The following SH3GL2 variants were observed in gnomAD, a reference collection of about 807,000 sequenced individuals.
The protein encoded by SH3GL2 is endophilin-A1.
In SH3GL2, 24 loss-of-function variants were observed where a neutral mutation model predicts 46.0. The observed-to-expected ratio is 0.52, with a 90% CI of 0.38 to 0.73. The LOEUF (loss-of-function observed/expected upper bound fraction) is 0.73, where lower values mean the gene tolerates loss of function less well. Ranked by LOEUF, SH3GL2 falls within the 30% of genes least tolerant of loss-of-function variation. The probability of loss-of-function intolerance (pLI) is 0.00; values close to 1 mark genes in which losing one functional copy is unlikely to be tolerated. For synonymous variants in SH3GL2, 196 were observed against 147.1 expected, an observed-to-expected ratio of 1.33 and a Z score of -2.40; for missense variants, 413 against 424.2, an observed-to-expected ratio of 0.97 and a Z score of 0.23.
intron 1 of SH3GL2, among the ~76,000 whole-genome samples, chr9:17,674,105 C>T (rs1027760750): frequency 6.6e-6 from 1 of 152,154 alleles, no homozygotes; most frequent in Non-Finnish European, 1.5e-5. Context: ...ATAATTGTGG[C>T]AAGAAATGTC....
At chr9:17,696,629 A>G in intron 1 of SH3GL2, among the ~76,000 whole-genome samples, 1 of 152,158 alleles carries the variant, frequency 6.6e-6, no homozygotes, top group East Asian at 1.9e-4. Flanking sequence ...AAAAACCATC[A>G]GATCTCATGA....
intron 1 of SH3GL2, among the ~76,000 whole-genome samples, chr9:17,740,092 A>G (rs1419991315): frequency 2.0e-5 from 3 of 152,282 alleles, no homozygotes; most frequent in African/African-American, 4.8e-5. Flanking sequence ...TTTATATTAT[A>G]TAAAAGGAAA....
intron 1 of SH3GL2, among the ~76,000 whole-genome samples, chr9:17,738,737 A>G (rs1046992468): frequency 2.6e-5 from 4 of 151,258 alleles, no homozygotes; most frequent in Non-Finnish European, 5.9e-5. Context: ...TTTGCAGGTC[A>G]GGTCAGCAGG....
At chr9:17,674,975 G>A (rs1386754101) in intron 1 of SH3GL2, among the ~76,000 whole-genome samples, 1 of 152,156 alleles carries the variant, frequency 6.6e-6, no homozygotes, top group Non-Finnish European at 1.5e-5. Context: ...TAGATAGGAG[G>A]AGCCACCAGG....
At chr9:17,608,747 A>G (rs530504940) in intron 1 of SH3GL2, among the ~76,000 whole-genome samples, 2 of 152,326 alleles carry the variant, frequency 1.3e-5, no homozygotes, top group African/African-American at 4.8e-5. Flanking sequence ...AAGGTTAAAA[A>G]CAAGGAAGTT....
intron 1 of SH3GL2, among the ~76,000 whole-genome samples, chr9:17,664,058 A>G (rs1304241251): frequency 6.6e-6 from 1 of 152,182 alleles, no homozygotes; most frequent in Non-Finnish European, 1.5e-5. Context: ...TAAAAAATAT[A>G]TATCCTGTGG....
intron 1 of SH3GL2, among the ~76,000 whole-genome samples, chr9:17,701,183 C>T (rs1294400414): frequency 6.6e-6 from 1 of 152,168 alleles, no homozygotes; most frequent in Non-Finnish European, 1.5e-5. Context: ...ATTGTATACA[C>T]AGAAGAAATC....
intron 1 of SH3GL2, among the ~76,000 whole-genome samples, chr9:17,733,563 A>G (rs10810842): frequency 0.28 from 39,584 of 143,854 alleles, 6,551 homozygotes; most frequent in East Asian, 0.51. Context: ...TCAGTGTGGC[A>G]ATTCCTCAGG....
chr9:17,594,534 G>C (rs1310993007), intron 1 of SH3GL2, among the ~76,000 whole-genome samples: 1 of 151,934 alleles, frequency 6.6e-6, no homozygotes, highest in African/African-American at 2.4e-5. Flanking sequence ...ATGCATGTGG[G>C]GCTTAAAATC....
At chr9:17,581,283 G>T (rs921808395) in intron 1 of SH3GL2, among the ~76,000 whole-genome samples, 1 of 152,200 alleles carries the variant, frequency 6.6e-6, no homozygotes, top group South Asian at 2.1e-4. Flanking sequence ...CGTTAGGAAA[G>T]AACTTAAAAG....
chr9:17,742,148 T>C (rs1161432132), intron 1 of SH3GL2, among the ~76,000 whole-genome samples: 2 of 152,192 alleles, frequency 1.3e-5, no homozygotes, highest in East Asian at 3.9e-4. Flanking sequence ...TCACTGATGA[T>C]GCGGTTTTCA....
chr9:17,743,641 G>A (rs3824374), intron 1 of SH3GL2, among the ~76,000 whole-genome samples: 23,792 of 150,818 alleles, frequency 0.16, 2,121 homozygotes, highest in Admixed American at 0.26. Context: ...ATTTGACCCC[G>A]TTGTGTTATC....
At chr9:17,699,870 T>C (rs368773705) in intron 1 of SH3GL2, among the ~76,000 whole-genome samples, 2 of 152,240 alleles carry the variant, frequency 1.3e-5, no homozygotes, top group South Asian at 4.1e-4. Flanking sequence ...ACATGTATCT[T>C]TGGCCACCTA....
In SH3GL2 at chr9:17,793,382, A is replaced by G; in HGVS notation, c.744A>G (p.Ser248=). ...VRLEERIRQA[S]SQPRREYQPK... is the part of the protein sequence containing the mutation. ...TTTACTGCAGAATAAGACAGGCTTC[A>G]TCTCAGCCTAGAAGGGAATATCAAC... The change falls in exon 8 of 9, where the codon TCA becomes TCG. Residue 248 remains serine, a synonymous_variant. Transcript: ENST00000380607. 1.2e-6 allele frequency: 2 copies of G among 1,612,276 alleles called. No homozygotes were observed. Among genetic ancestry groups the G allele is most frequent in the East Asian group, 2.2e-5 (1 of 44,726 alleles).
intron 1 of SH3GL2, among the ~76,000 whole-genome samples, chr9:17,738,639 T>TAGAGAGAGAGAGAG (rs1245134748): frequency 7.5e-5 from 5 of 66,776 alleles, no homozygotes; most frequent in Non-Finnish European, 1.8e-4. Flanking sequence ...TATATATATA[T>TAGAGAGAGAGAGAG]ATAGAGAGAG....
Position 17,670,513 on chromosome 9 carries a change from A to T in SH3GL2, c.46-76553A>T, listed in dbSNP as rs1314864615. Among the ~76,000 whole-genome samples, 4 of 152,348 alleles carry T rather than the reference A, an allele frequency of 2.6e-5. No individual in the cohort carries two copies. The East Asian group carries it at 7.7e-4, about 29-fold the overall frequency. ...TCTGGTAGGGCCAATAGCTCCTAAT[A>T]GCTTTTCAAGTATTTTCCAAGTTTT... On this transcript the variant is annotated intron_variant, in intron 1 of 8. Transcript: ENST00000380607.
intron 1 of SH3GL2, among the ~76,000 whole-genome samples, chr9:17,681,338 TTTTG>T (rs1363385975): frequency 6.6e-6 from 1 of 152,176 alleles, no homozygotes; most frequent in Non-Finnish European, 1.5e-5. Flanking sequence ...GCTTGTCCTT[TTTTG>T]TTCTCTTTTT....
chr9:17,754,555 C>T (rs559446051), intron 2 of SH3GL2, among the ~76,000 whole-genome samples: 1 of 152,200 alleles, frequency 6.6e-6, no homozygotes, highest in South Asian at 2.1e-4. Context: ...CGCCTGTAGT[C>T]CCAGCTACTC....
At chr9:17,622,274 C>T (rs935899627) in intron 1 of SH3GL2, among the ~76,000 whole-genome samples, 65 of 152,268 alleles carry the variant, frequency 4.3e-4, no homozygotes, top group Admixed American at 2.2e-3. Flanking sequence ...TCCCCCCAAA[C>T]AGTCATCAAC....
Sources: gnomAD v4.1 joint callset for allele counts (sites outside exome capture counted in the v4.1 genomes callset) on GRCh38, gnomAD v4.1.1 for gene constraint, MANE v1.5 for transcripts, NCBI Gene and HGNC (gene_info 2026-07-23, HGNC 2026-07-21) for gene names.